The following RHOBTB1 variants were observed in gnomAD, a reference collection of about 807,000 sequenced individuals.
RHOBTB1 encodes Rho related BTB domain containing 1.
In RHOBTB1, 40 loss-of-function variants were observed where a neutral mutation model predicts 71.6. That is an observed-to-expected ratio of 0.56 (90% CI 0.43 to 0.73). The LOEUF (loss-of-function observed/expected upper bound fraction) is 0.73, where lower values mean the gene tolerates loss of function less well. RHOBTB1 is among the 30% of genes least tolerant of loss of function. The pLI is 0.00. For missense variants in RHOBTB1, 797 were observed against 894.0 expected (o/e 0.89, Z 1.38); for synonymous variants, 319 against 334.9 (o/e 0.95, Z 0.52).
intron 2 of RHOBTB1, among the ~76,000 whole-genome samples, chr10:60,954,998 T>C (rs1317606502): frequency 6.6e-6 from 1 of 151,064 alleles, no homozygotes; most frequent in Non-Finnish European, 1.5e-5. Context: ...CACTTTGAGC[T>C]ACCCATACTT....
intron 2 of RHOBTB1, among the ~76,000 whole-genome samples, chr10:60,925,677 A>G (rs1478882036): frequency 1.3e-5 from 2 of 152,130 alleles, no homozygotes; most frequent in East Asian, 3.8e-4. Context: ...TAGCCAGACT[A>G]AGAAAAAAAA....
In RHOBTB1 at chr10:60,944,100, C is replaced by CT. The variant is rs2085091664; in HGVS notation, c.-192_-191insA. ...GTGCGGGGCCCCTGCGCGCGGCGCG[C>CT]CGCCCGCCGCCCAACTTTGCACAAA... On this transcript the variant is annotated 5_prime_UTR_variant, in exon 1 of 11. It removes the in-frame stop codon of an upstream open reading frame in the 5' UTR. Coordinates refer to ENST00000337910, the MANE Select transcript of RHOBTB1 (RefSeq NM_014836.5). 1 of 151,674 alleles carries CT rather than the reference C, an allele frequency of 6.6e-6. No individual in the cohort carries two copies. Among genetic ancestry groups the CT allele is most frequent in the Non-Finnish European group, 1.5e-5 (1 of 67,932 alleles). The allele number at this position is 151,674 out of a possible 1,614,324, so 9.4% of individuals were successfully genotyped here. A position where few individuals can be genotyped will look rare whatever the true frequency, so the allele number is the denominator to read the frequency against.
intron 1 of RHOBTB1, among the ~76,000 whole-genome samples, chr10:60,991,045 C>A (rs765140879): frequency 3.3e-5 from 5 of 152,194 alleles, no homozygotes; most frequent in Non-Finnish European, 5.9e-5. Flanking sequence ...AATTTTACCT[C>A]CTACATATCT....
At position 60,937,835 on chromosome 10, in the gene RHOBTB1, A is replaced by G. The variant is rs80327316; in HGVS notation, c.-11+3969T>C. On this transcript the variant is annotated intron_variant, in intron 2 of 10. Coordinates refer to ENST00000337910, the MANE Select transcript of RHOBTB1 (RefSeq NM_014836.5). ...ATACAACTGCCTAATATGTTAAAAG[A>G]CTTTCTTTCGAGATACTCTAGGAAG... Among the ~76,000 whole-genome samples the G allele has an allele frequency of 2.6e-3, 403 of 152,316 alleles. 1 individual carries two copies. The highest frequency in any genetic ancestry group is 4.6e-3 in the Non-Finnish European group (311 of 68,030).
intron 2 of RHOBTB1, among the ~76,000 whole-genome samples, chr10:60,980,992 C>T (rs11594559): frequency 0.51 from 78,076 of 152,052 alleles, 20,388 homozygotes; most frequent in East Asian, 0.77. Context: ...TTAAAATATG[C>T]TAGAAAGATG....
At chr10:60,910,813 T>A in intron 4 of RHOBTB1, 74 bp downstream of exon 4, 2 of 1,120,672 alleles carry the variant, frequency 1.8e-6, no homozygotes, top group Non-Finnish European at 2.7e-6. Context: ...TTTTTGTTGA[T>A]TTGTAAACCC....
upstream of RHOBTB1, among the ~76,000 whole-genome samples, chr10:60,947,227 T>A (rs184657528): frequency 2.6e-5 from 4 of 152,374 alleles, no homozygotes; most frequent in Non-Finnish European, 2.9e-5. Flanking sequence ...CTAAAATCAT[T>A]GCTTGCTGAT....
chr10:60,923,127 G>A (rs2083663803), intron 2 of RHOBTB1, among the ~76,000 whole-genome samples: 1 of 152,080 alleles, frequency 6.6e-6, no homozygotes, highest in Non-Finnish European at 1.5e-5. Flanking sequence ...TCAATCCTTG[G>A]CCTTTGTGAA....
chr10:60,970,607 C>T (rs1219016103), intron 2 of RHOBTB1, among the ~76,000 whole-genome samples: 1 of 152,032 alleles, frequency 6.6e-6, no homozygotes, highest in South Asian at 2.1e-4. Context: ...TCATTTTGGA[C>T]AGTAGCATAA....
the RHOBTB1 span, among the ~76,000 whole-genome samples, chr10:60,864,209 C>A: frequency 9.2e-5 from 14 of 152,280 alleles, no homozygotes; most frequent in Non-Finnish European, 1.8e-4. Context: ...GGAATCTTCA[C>A]CTCAGGCTCT....
intron 2 of RHOBTB1, among the ~76,000 whole-genome samples, chr10:60,940,439 T>A (rs1373112838): frequency 3.3e-5 from 5 of 152,184 alleles, no homozygotes; most frequent in Non-Finnish European, 7.4e-5. Context: ...TAATATTTGG[T>A]TGTTATCAGG....
At chr10:60,950,983 G>A (rs746731245) in intron 2 of RHOBTB1, among the ~76,000 whole-genome samples, 1 of 152,164 alleles carries the variant, frequency 6.6e-6, no homozygotes, top group Non-Finnish European at 1.5e-5. Context: ...ATCTGTACAA[G>A]TTAGCTAAAC....
intron 4 of RHOBTB1, among the ~76,000 whole-genome samples, chr10:60,895,531 A>G (rs1468115346): frequency 6.6e-6 from 1 of 152,164 alleles, no homozygotes; most frequent in Non-Finnish European, 1.5e-5. Flanking sequence ...CAGCCTCCTG[A>G]GTAGCTGGGA....
At chr10:60,874,302 C>T (rs973055933) in intron 9 of RHOBTB1, among the ~76,000 whole-genome samples, 1 of 152,204 alleles carries the variant, frequency 6.6e-6, no homozygotes, top group African/African-American at 2.4e-5. Context: ...TTACACTCTT[C>T]AGTGCTCGCT....
chr10:60,881,063 T>TC (rs1554829805), intron 7 of RHOBTB1, among the ~76,000 whole-genome samples: 2 of 152,102 alleles, frequency 1.3e-5, no homozygotes, highest in Non-Finnish European at 2.9e-5. Flanking sequence ...TGGGGGTGGT[T>TC]CCCCCCAGAC....
intron 5 of RHOBTB1, among the ~76,000 whole-genome samples, chr10:60,890,375 A>G (rs1308640562): frequency 6.6e-6 from 1 of 152,114 alleles, no homozygotes; most frequent in Non-Finnish European, 1.5e-5. Context: ...ACCTGGCGGC[A>G]GTTCTGTTTT....
chr10:60,937,120 T>A (rs138300581), intron 2 of RHOBTB1, among the ~76,000 whole-genome samples: 2 of 152,266 alleles, frequency 1.3e-5, no homozygotes, highest in African/African-American at 4.8e-5. Flanking sequence ...CTTCCGCGTA[T>A]GTGATGAATT....
intron 2 of RHOBTB1, among the ~76,000 whole-genome samples, chr10:60,955,316 C>G (rs2085553818): frequency 6.6e-6 from 1 of 152,152 alleles, no homozygotes; most frequent in Non-Finnish European, 1.5e-5. Context: ...GCTGGGATTA[C>G]AGGCATGAAC....
At chr10:60,946,735 GAC>G (rs1173450513), upstream of RHOBTB1, among the ~76,000 whole-genome samples, 2 of 152,134 alleles carry the variant, frequency 1.3e-5, no homozygotes, top group African/African-American at 4.8e-5. Flanking sequence ...ATACCAGAAA[GAC>G]ACACAAAGAC....
Sources: allele counts gnomAD v4.1 joint callset (sites outside exome capture counted in the v4.1 genomes callset), GRCh38; gene constraint gnomAD v4.1.1; transcripts MANE v1.5; gene names NCBI Gene and HGNC (gene_info 2026-07-23, HGNC 2026-07-21).